The following GALNT13 variants were observed in gnomAD, a reference collection of about 807,000 sequenced individuals.
GALNT13 encodes the protein polypeptide N-acetylgalactosaminyltransferase 13, also known as UDP-GalNAc:polypeptide N-acetylgalactosaminyltransferase 13.
A neutral mutation model predicts 64.2 loss-of-function variants in GALNT13; 28 were observed. The observed-to-expected ratio is 0.44, with a 90% CI of 0.32 to 0.60. The LOEUF (loss-of-function observed/expected upper bound fraction) is 0.60, where lower values mean the gene tolerates loss of function less well. GALNT13 is among the 20% of genes least tolerant of loss of function. GALNT13 has a pLI of 0.05. For missense variants in GALNT13, 577 were observed against 669.8 expected, an observed-to-expected ratio of 0.86 and a Z score of 1.53; for synonymous variants, 214 against 224.6, an observed-to-expected ratio of 0.95 and a Z score of 0.42.
At chr2:153,147,269 G>T in the GALNT13 span, among the ~76,000 whole-genome samples, 7 of 151,984 alleles carry the variant, frequency 4.6e-5, no homozygotes, top group East Asian at 1.2e-3. Context: ...GACAAGTGCG[G>T]TGAGAATGTG....
chr2:153,299,622 T>G, the GALNT13 span, among the ~76,000 whole-genome samples: 1 of 152,190 alleles, frequency 6.6e-6, no homozygotes, highest in Admixed American at 6.5e-5. Context: ...TTCCTTTTCC[T>G]CTTTCTCTTT....
chr2:154,162,807 G>A (rs1180088059), intron 4 of GALNT13, among the ~76,000 whole-genome samples: 2 of 151,988 alleles, frequency 1.3e-5, no homozygotes, highest in Non-Finnish European at 2.9e-5. Flanking sequence ...TAACTAGAGT[G>A]TTAGTTTGGT....
At chr2:154,454,317 G>A (rs114254969), downstream of GALNT13, among the ~76,000 whole-genome samples, 3 of 152,086 alleles carry the variant, frequency 2.0e-5, no homozygotes, top group Non-Finnish European at 4.4e-5. Context: ...AACTAATACT[G>A]TCACTCAAAA....
chr2:153,081,910 T>C, the GALNT13 span, among the ~76,000 whole-genome samples: 1 of 152,190 alleles, frequency 6.6e-6, no homozygotes, highest in African/African-American at 2.4e-5. Flanking sequence ...CTGGATGATA[T>C]GGTAGCTCAA....
intron 3 of GALNT13, among the ~76,000 whole-genome samples, chr2:154,133,533 T>TA (rs1207383327): frequency 3.4e-5 from 2 of 59,288 alleles, no homozygotes; most frequent in Admixed American, 1.9e-4. Flanking sequence ...AACAGACCAT[T>TA]TTATATATAT....
At chr2:154,167,582 C>T (rs969307692) in intron 4 of GALNT13, among the ~76,000 whole-genome samples, 4 of 152,176 alleles carry the variant, frequency 2.6e-5, no homozygotes, top group Non-Finnish European at 4.4e-5. Context: ...CCTTTCCATT[C>T]TCCTTTTTTC....
chr2:153,377,348 T>G, the GALNT13 span, among the ~76,000 whole-genome samples: 1 of 152,138 alleles, frequency 6.6e-6, no homozygotes, highest in Non-Finnish European at 1.5e-5. Context: ...GTATGGTCTG[T>G]TTGTCCCCAC....
intron 2 of GALNT13, among the ~76,000 whole-genome samples, chr2:153,902,019 A>G (rs1037134018): frequency 3.9e-5 from 6 of 152,086 alleles, no homozygotes; most frequent in Admixed American, 3.9e-4. Context: ...TGTTCATAGT[A>G]CTATCCTTTA....
At chr2:153,441,036 G>C in the GALNT13 span, among the ~76,000 whole-genome samples, 2 of 152,258 alleles carry the variant, frequency 1.3e-5, no homozygotes, top group East Asian at 3.9e-4. Flanking sequence ...GCCATGTCTG[G>C]AATGGTATTG....
Position 154,301,577 on chromosome 2 carries a change from A to G in GALNT13, c.1144A>G (p.Ile382Val). The change falls in exon 9 of 13, where the codon ATC becomes GTC. Residue 382 changes from isoleucine to valine, a missense_variant. Physicochemically the swap from Ile to Val is conservative, Grantham distance 29. Transcript: ENST00000392825. Reference sequence around the variant, plus strand: ...GGATGAATTTAAAGATTTCTTCTACATCATATCCCCAGGTACACAATTCTG... The same window carrying G: ...GGATGAATTTAAAGATTTCTTCTACGTCATATCCCCAGGTACACAATTCTG... ...WMDEFKDFFYIISPGVVKVDY... is the reference protein window; with the variant it reads ...WMDEFKDFFYVISPGVVKVDY... 3 of 1,609,202 alleles carry G rather than the reference A, an allele frequency of 1.9e-6. No homozygotes were observed. Among genetic ancestry groups the G allele is most frequent in the African/African-American group, 1.3e-5 (1 of 74,972 alleles).
At chr2:153,644,042 T>A in the GALNT13 span, among the ~76,000 whole-genome samples, 5 of 151,790 alleles carry the variant, frequency 3.3e-5, no homozygotes, top group Non-Finnish European at 7.4e-5. Context: ...TCAACACTGC[T>A]CAGGAGATCT....
the GALNT13 span, among the ~76,000 whole-genome samples, chr2:153,256,199 C>T: frequency 5.3e-5 from 8 of 151,542 alleles, no homozygotes; most frequent in Non-Finnish European, 7.4e-5. Context: ...CTTCCCTTCT[C>T]GCTTCATTTC....
chr2:153,095,516 A>G, the GALNT13 span, among the ~76,000 whole-genome samples: 6 of 152,342 alleles, frequency 3.9e-5, no homozygotes, highest in South Asian at 4.1e-4. Flanking sequence ...ATACCATTTG[A>G]TCCAGTCATC....
the GALNT13 span, among the ~76,000 whole-genome samples, chr2:153,453,775 CAAAAT>C: frequency 7.8e-3 from 1,184 of 152,142 alleles, 16 homozygotes; most frequent in African/African-American, 0.027. Context: ...GGTGTATAGC[CAAAAT>C]AAAATAAATT....
chr2:153,754,575 C>G, the GALNT13 span, among the ~76,000 whole-genome samples: 4 of 152,112 alleles, frequency 2.6e-5, no homozygotes, highest in Non-Finnish European at 5.9e-5. Context: ...ACAGTCCCCC[C>G]ACTCTTCCCG....
chr2:153,670,983 C>T, the GALNT13 span, among the ~76,000 whole-genome samples: 2 of 151,940 alleles, frequency 1.3e-5, no homozygotes, highest in African/African-American at 4.8e-5. Context: ...TGAAATAAAG[C>T]AAGAAGACAA....
At chr2:154,152,453 A>G (rs1684103025) in intron 4 of GALNT13, among the ~76,000 whole-genome samples, 1 of 151,962 alleles carries the variant, frequency 6.6e-6, no homozygotes, top group South Asian at 2.1e-4. Flanking sequence ...CGTTCTCTGT[A>G]TTTCCTGAAT....
the GALNT13 span, among the ~76,000 whole-genome samples, chr2:153,331,311 C>A: frequency 2.0e-5 from 3 of 151,354 alleles, no homozygotes; most frequent in African/African-American, 7.3e-5. Flanking sequence ...AGTAATTCTA[C>A]TAGGTGTACA....
At chr2:154,165,648 C>T (rs1684982863) in intron 4 of GALNT13, among the ~76,000 whole-genome samples, 1 of 152,154 alleles carries the variant, frequency 6.6e-6, no homozygotes, top group Non-Finnish European at 1.5e-5. Context: ...TGCAGCATAA[C>T]ATTCTGATTC....
Sources: gnomAD v4.1 joint callset for allele counts (sites outside exome capture counted in the v4.1 genomes callset) on GRCh38, gnomAD v4.1.1 for gene constraint, MANE v1.5 for transcripts, NCBI Gene and HGNC (gene_info 2026-07-23, HGNC 2026-07-21) for gene names.